ITGA8: variants seen among roughly 807,000 people sequenced by gnomAD.
The protein encoded by ITGA8 is integrin subunit alpha 8, also known as integrin alpha-8.
ITGA8 carries 91 observed loss-of-function variants against 142.3 expected under a neutral mutation model. The observed-to-expected ratio is 0.64, with a 90% CI of 0.54 to 0.76. The LOEUF is 0.76. Ranked by LOEUF, ITGA8 falls within the 30% of genes least tolerant of loss-of-function variation. ITGA8 has a pLI of 0.00. For missense variants in ITGA8, 1,406 were observed against 1,327.7 expected (o/e 1.06, Z -0.92); for synonymous variants, 505 against 485.2 (o/e 1.04, Z -0.54).
intron 2 of ITGA8, among the ~76,000 whole-genome samples, chr10:15,717,183 T>C (rs1196184537): frequency 6.6e-6 from 1 of 152,246 alleles, no homozygotes; most frequent in East Asian, 1.9e-4. Context: ...TTTGATGTTA[T>C]GAGACTATAC....
rs147515344 is a variant in ITGA8 at position 15,573,506 on chromosome 10, G to GCTTT, written c.2479-1141_2479-1138dup. The stretch of plus-strand genomic sequence containing the variant: ...TGCTATCAAAAGAGCTTAAGGCAAA[G>GCTTT]CTTTGATCCAGCTTTGGACAAGGCT... On this transcript the variant is annotated intron_variant, in intron 24 of 29. Coordinates refer to ENST00000378076, the MANE Select transcript of ITGA8 (RefSeq NM_003638.3). Among the ~76,000 whole-genome samples the GCTTT allele has an allele frequency of 3.9e-3, 588 of 151,932 alleles. 4 individuals carry two copies. Among genetic ancestry groups the GCTTT allele is most frequent in the African/African-American group, 0.014 (567 of 41,414 alleles).
chr10:15,546,587 C>A (rs11259734), intron 27 of ITGA8, among the ~76,000 whole-genome samples: 30,665 of 151,898 alleles, frequency 0.2, 3,221 homozygotes, highest in African/African-American at 0.23. Context: ...TGCTAAGTAT[C>A]CTATAATGCC....
At chr10:15,636,086 T>A (rs778257797) in intron 13 of ITGA8, among the ~76,000 whole-genome samples, 6 of 152,202 alleles carry the variant, frequency 3.9e-5, no homozygotes, top group Non-Finnish European at 7.4e-5. Context: ...CTGCCCATGT[T>A]TTCCTCCAGT....
At chr10:15,596,396 C>T (rs143948090) in intron 21 of ITGA8, 261 of 152,298 alleles carry the variant, frequency 1.7e-3, no homozygotes, top group African/African-American at 6.1e-3. Context: ...ACTTGACTCA[C>T]AGGGTTGTTT....
At chr10:15,686,374 A>T (rs944120354) in intron 3 of ITGA8, among the ~76,000 whole-genome samples, 1 of 152,200 alleles carries the variant, frequency 6.6e-6, no homozygotes, top group Non-Finnish European at 1.5e-5. Context: ...GCAGATGCGA[A>T]AGCACAGGGA....
rs114534015 is a variant in ITGA8 at position 15,605,819 on chromosome 10, C to T, written c.1903-28G>A. ...GTGTTGTATAAACGCACGTCAGGAA[C>T]AATCTAGGAAAATCTGATTCACATC... On this transcript the variant is annotated intron_variant, in intron 18 of 29. Coordinates refer to ENST00000378076, the MANE Select transcript of ITGA8 (RefSeq NM_003638.3). The T allele has an allele frequency of 8.7e-4, 1,398 of 1,602,882 alleles. 10 individuals are homozygous for T. The African/African-American group carries it at 0.016, about 18-fold the overall frequency.
intron 8 of ITGA8, among the ~76,000 whole-genome samples, chr10:15,663,638 G>T (rs1834332082): frequency 6.6e-6 from 1 of 151,548 alleles, no homozygotes; most frequent in African/African-American, 2.4e-5. Flanking sequence ...GTGCAATGAT[G>T]ACTTACTTCA....
chr10:15,532,429 A>AC (rs752111994), intron 27 of ITGA8, among the ~76,000 whole-genome samples: 1 of 142,552 alleles, frequency 7.0e-6, no homozygotes. Flanking sequence ...AAAAAAAAAA[A>AC]AAAAAAAAAA....
At chr10:15,660,311 G>T (rs973237964) in intron 9 of ITGA8, among the ~76,000 whole-genome samples, 3 of 152,058 alleles carry the variant, frequency 2.0e-5, no homozygotes, top group African/African-American at 7.2e-5. Context: ...ATGAACAAGG[G>T]GTCTGTGTTT....
intron 2 of ITGA8, among the ~76,000 whole-genome samples, chr10:15,695,940 C>T (rs1053742468): frequency 6.6e-5 from 10 of 152,238 alleles, no homozygotes; most frequent in Admixed American, 2.0e-4. Context: ...ATTCCTTGAT[C>T]TGCAGGTAGC....
In ITGA8 at chr10:15,661,229, T is replaced by C. The variant is rs1417659; in HGVS notation, c.848-307A>G. On this transcript the variant is annotated intron_variant, in intron 8 of 29. Transcript: ENST00000378076. ...TCCTGTCTGATCAGCGGTGGCATTA[T>C]GTTCTCACCAGAGTGAGAACCCTAT... 0.93 allele frequency among the ~76,000 whole-genome samples: 141,029 copies of C among 152,206 alleles called. 66,134 individuals are homozygous for C. The highest frequency in any genetic ancestry group is 1 in the Non-Finnish European group (67,809 of 68,016).
At chr10:15,613,155 C>A (rs1833328578) in intron 15 of ITGA8, among the ~76,000 whole-genome samples, 1 of 145,252 alleles carries the variant, frequency 6.9e-6, no homozygotes, top group African/African-American at 2.5e-5. Flanking sequence ...AGCAAGACTC[C>A]ATCTCAATAA....
At chr10:15,604,552 T>C (rs1833159482) in intron 19 of ITGA8, among the ~76,000 whole-genome samples, 197 bp from the exon 20 acceptor site, 1 of 148,718 alleles carries the variant, frequency 6.7e-6, no homozygotes, top group Non-Finnish European at 1.5e-5. Flanking sequence ...CAGTAGTGTG[T>C]TGGTAAATGT....
intron 22 of ITGA8, among the ~76,000 whole-genome samples, chr10:15,589,415 T>C (rs974681225): frequency 3.3e-5 from 5 of 152,164 alleles, no homozygotes; most frequent in Admixed American, 3.3e-4. Context: ...AAAATGTTTA[T>C]GTCGTGTAGA....
intron 2 of ITGA8, among the ~76,000 whole-genome samples, chr10:15,708,462 T>C (rs976652562): frequency 6.6e-6 from 1 of 152,152 alleles, no homozygotes; most frequent in Non-Finnish European, 1.5e-5. Context: ...CTCATATCTT[T>C]GAATCTGTTC....
At chr10:15,625,074 G>C (rs1446898353) in intron 13 of ITGA8, among the ~76,000 whole-genome samples, 1 of 150,176 alleles carries the variant, frequency 6.7e-6, no homozygotes, top group South Asian at 2.1e-4. Context: ...AGTTGAGGAA[G>C]AAATGTTTGA....
intron 24 of ITGA8, among the ~76,000 whole-genome samples, chr10:15,573,876 T>A (rs9333200): frequency 1.1e-4 from 16 of 146,332 alleles, no homozygotes; most frequent in African/African-American, 3.7e-4. Context: ...TGACTTTATT[T>A]AAAAAAAAAA....
At chr10:15,526,895 A>G (rs1344551458) in intron 28 of ITGA8, among the ~76,000 whole-genome samples, 1 of 152,230 alleles carries the variant, frequency 6.6e-6, no homozygotes, top group African/African-American at 2.4e-5. Context: ...AGGAAAGACC[A>G]TAAATAAACC....
At chr10:15,533,756 G>A (rs1833359895) in intron 27 of ITGA8, among the ~76,000 whole-genome samples, 1 of 152,196 alleles carries the variant, frequency 6.6e-6, no homozygotes, top group Non-Finnish European at 1.5e-5. Flanking sequence ...AAATGCGAAA[G>A]TTTCCTAATG....
Sources: allele counts gnomAD v4.1 joint callset (sites outside exome capture counted in the v4.1 genomes callset), GRCh38; gene constraint gnomAD v4.1.1; transcripts MANE v1.5; gene names NCBI Gene and HGNC (gene_info 2026-07-23, HGNC 2026-07-21).